The following WDR70 variants were observed in gnomAD, a reference collection of about 807,000 sequenced individuals.
WDR70 encodes WD repeat-containing protein 70.
In WDR70, 53 loss-of-function variants were observed where a neutral mutation model predicts 88.6. The observed-to-expected ratio is 0.60, with a 90% CI of 0.48 to 0.75. The LOEUF (loss-of-function observed/expected upper bound fraction) is 0.75, where lower values mean the gene tolerates loss of function less well. WDR70 is among the 30% of genes least tolerant of loss of function. The probability of loss-of-function intolerance (pLI) is 0.00; values close to 1 mark genes in which losing one functional copy is unlikely to be tolerated. For synonymous variants in WDR70, 280 were observed against 270.0 expected (o/e 1.04, Z -0.36); for missense variants, 610 against 823.2 (o/e 0.74, Z 3.17).
intron 7 of WDR70, among the ~76,000 whole-genome samples, chr5:37,468,289 A>G (rs13183631): frequency 0.85 from 130,111 of 152,212 alleles, 59,242 homozygotes; most frequent in East Asian, 1. Context: ...AATACCAATA[A>G]TGTTTCAGGT....
chr5:37,703,095 T>G lies in WDR70; in HGVS notation c.1416+8T>G. On this transcript the variant is annotated splice_region_variant and intron_variant, in intron 13 of 17. Transcript: ENST00000265107. ...ATAGACATCACAGATGCGGTACGTA[T>G]ATTCTTTTCTCCTCAGCCTTGAGAA... 1 of 1,597,570 alleles carries G rather than the reference T, an allele frequency of 6.3e-7. No homozygotes were observed. Among genetic ancestry groups the G allele is most frequent in the Non-Finnish European group, 8.6e-7 (1 of 1,166,210 alleles).
At chr5:37,519,248 G>T (rs190397799) in intron 9 of WDR70, among the ~76,000 whole-genome samples, 11 of 152,312 alleles carry the variant, frequency 7.2e-5, no homozygotes, top group Admixed American at 2.6e-4. Context: ...CCGGGCAGAG[G>T]CGCTCCCCAC....
chr5:37,566,584 C>A (rs1385909040), intron 9 of WDR70, among the ~76,000 whole-genome samples: 1 of 152,012 alleles, frequency 6.6e-6, no homozygotes, highest in African/African-American at 2.4e-5. Flanking sequence ...TGCAATTTTT[C>A]TCAGTCTTAG....
At chr5:37,745,360 T>G (rs1748604506) in intron 17 of WDR70, among the ~76,000 whole-genome samples, 1 of 150,580 alleles carries the variant, frequency 6.6e-6, no homozygotes, top group Admixed American at 6.7e-5. Flanking sequence ...ACGAAGAAAC[T>G]GCATCTAGTG....
chr5:37,617,942 C>T (rs1744392272), intron 10 of WDR70, among the ~76,000 whole-genome samples: 1 of 152,138 alleles, frequency 6.6e-6, no homozygotes, highest in Non-Finnish European at 1.5e-5. Context: ...GCATATTGAT[C>T]AAAGTTGCTT....
intron 9 of WDR70, among the ~76,000 whole-genome samples, chr5:37,528,781 ATT>A (rs746256021): frequency 1.3e-5 from 2 of 151,908 alleles, no homozygotes; most frequent in Non-Finnish European, 2.9e-5. Context: ...AACTCTGCTG[ATT>A]ATTTCTTTTG....
intron 7 of WDR70, among the ~76,000 whole-genome samples, chr5:37,466,658 A>G (rs955908959): frequency 7.8e-6 from 1 of 128,018 alleles, no homozygotes; most frequent in Admixed American, 9.8e-5. Flanking sequence ...GTAAGCCGAG[A>G]TGGCGCCACT....
chr5:37,723,126 G>C lies in WDR70; in HGVS notation c.1597+192G>C, dbSNP rs1006345048. On this transcript the variant is annotated intron_variant, in intron 15 of 17. Transcript: ENST00000265107. ...GCTTCTGTGACTCATCACAGGGACA[G>C]GGTTATTTCATGCAGCTTTCAACCC... The C allele has an allele frequency of 1.1e-4, 65 of 616,796 alleles. 1 individual carries two copies. The highest frequency in any genetic ancestry group is 5.3e-4 in the South Asian group (25 of 47,444). 38.2% of individuals were successfully genotyped at this position (616,796 alleles called of 1,614,324 possible).
intron 9 of WDR70, among the ~76,000 whole-genome samples, chr5:37,561,330 AG>A (rs1742497208): frequency 6.6e-6 from 1 of 152,216 alleles, no homozygotes; most frequent in South Asian, 2.1e-4. Flanking sequence ...TAGAAAACCG[AG>A]GGATAAGATT....
chr5:37,559,082 C>T (rs978387332), intron 9 of WDR70, among the ~76,000 whole-genome samples: 7 of 151,868 alleles, frequency 4.6e-5, no homozygotes, highest in South Asian at 2.1e-4. Flanking sequence ...TACCGGTGCC[C>T]GCCACCATGC....
intron 10 of WDR70, among the ~76,000 whole-genome samples, chr5:37,632,566 A>C (rs1313949723): frequency 1.3e-5 from 2 of 152,296 alleles, no homozygotes; most frequent in East Asian, 3.9e-4. Context: ...TTAACAAAAA[A>C]GTTTTAAAAG....
chr5:37,396,729 G>A (rs1053739843), intron 5 of WDR70, among the ~76,000 whole-genome samples, 159 bp downstream of exon 5: 3 of 152,158 alleles, frequency 2.0e-5, no homozygotes, highest in African/African-American at 7.2e-5. Flanking sequence ...TACTTGGAAG[G>A]CTGAGGCAGG....
At chr5:37,701,236 T>A in intron 12 of WDR70, 94 bp downstream of exon 12, 1 of 797,512 alleles carries the variant, frequency 1.3e-6, no homozygotes, top group Non-Finnish European at 2.0e-6. Flanking sequence ...GTCTTTTAGA[T>A]CTTCTGGAAA....
chr5:37,728,419 C>T (rs1019657600), intron 17 of WDR70, among the ~76,000 whole-genome samples: 2 of 150,428 alleles, frequency 1.3e-5, no homozygotes, highest in African/African-American at 2.4e-5. Flanking sequence ...GCCAGTTTTT[C>T]ACTCATGTTC....
chr5:37,529,390 C>G (rs1228080635), intron 9 of WDR70, among the ~76,000 whole-genome samples: 5 of 151,778 alleles, frequency 3.3e-5, no homozygotes, highest in Non-Finnish European at 7.4e-5. Flanking sequence ...AAATTGCATT[C>G]AATTTATAGA....
At chr5:37,576,747 C>T (rs1371253987) in intron 9 of WDR70, among the ~76,000 whole-genome samples, 2 of 139,306 alleles carry the variant, frequency 1.4e-5, no homozygotes, top group African/African-American at 5.4e-5. Flanking sequence ...GGTGCTGTAC[C>T]GTAAATATTT....
chr5:37,641,259 G>A (rs1469719295), intron 10 of WDR70, among the ~76,000 whole-genome samples: 3 of 150,894 alleles, frequency 2.0e-5, no homozygotes, highest in Non-Finnish European at 4.4e-5. Context: ...GGGATTATAG[G>A]CCTATGCCAC....
At chr5:37,589,105 C>A (rs555070759) in intron 9 of WDR70, among the ~76,000 whole-genome samples, 37 of 151,890 alleles carry the variant, frequency 2.4e-4, no homozygotes, top group African/African-American at 8.9e-4. Flanking sequence ...ATTGTTCAGG[C>A]TGGTCTAGAA....
At chr5:37,596,451 A>G (rs1317498463) in intron 9 of WDR70, among the ~76,000 whole-genome samples, 2 of 152,200 alleles carry the variant, frequency 1.3e-5, no homozygotes, top group African/African-American at 4.8e-5. Context: ...GTTTTGACCA[A>G]TGAGGTGTAA....
Sources: gnomAD v4.1 joint callset for allele counts (sites outside exome capture counted in the v4.1 genomes callset) on GRCh38, gnomAD v4.1.1 for gene constraint, MANE v1.5 for transcripts, NCBI Gene and HGNC (gene_info 2026-07-23, HGNC 2026-07-21) for gene names.